The following SMG9 variants were observed in gnomAD, a reference collection of about 807,000 sequenced individuals.
The protein encoded by SMG9 is nonsense-mediated mRNA decay factor SMG9.
In SMG9, 55 loss-of-function variants were observed where a neutral mutation model predicts 64.0. The ratio of observed to expected loss-of-function variants is 0.86; its 90% confidence interval spans 0.69 to 1.08. The LOEUF (loss-of-function observed/expected upper bound fraction) is 1.08, where lower values mean the gene tolerates loss of function less well. SMG9 is among the 50% of genes least tolerant of loss of function. The probability of loss-of-function intolerance (pLI) is 0.00; values close to 1 mark genes in which losing one functional copy is unlikely to be tolerated. For missense variants in SMG9, 554 were observed against 681.3 expected, an observed-to-expected ratio of 0.81 and a Z score of 2.08; for synonymous variants, 244 against 254.8, an observed-to-expected ratio of 0.96 and a Z score of 0.41.
rs894637658 is a variant in SMG9 at position 43,735,389 on chromosome 19, G to T, written c.996-894C>A. On this transcript the variant is annotated intron_variant, in intron 9 of 13. Coordinates refer to ENST00000270066, the MANE Select transcript of SMG9 (RefSeq NM_019108.4). ...TCTCAGCACTTTGGGGAGCTGAGGCGGGCAGATCACCTGAAGTCAGGAGTT... is the reference window on the plus strand; with the variant it reads ...TCTCAGCACTTTGGGGAGCTGAGGCTGGCAGATCACCTGAAGTCAGGAGTT... Among the ~76,000 whole-genome samples, 7 of 152,126 alleles carry T rather than the reference G, an allele frequency of 4.6e-5. No individual in the cohort carries two copies. In the South Asian group the frequency reaches 1.4e-3, roughly 32 times the overall value.
intron 13 of SMG9, 120 bp from the exon 14 acceptor site, chr19:43,731,794 T>C (rs747852783): frequency 1.6e-4 from 197 of 1,218,956 alleles, no homozygotes; most frequent in Non-Finnish European, 2.1e-4. Context: ...TCTGAGCCTC[T>C]TGGAACCCAA....
chr19:43,750,816 T>G, intron 1 of SMG9, 69 bp from the exon 2 acceptor site: 1 of 1,421,002 alleles, frequency 7.0e-7, no homozygotes, highest in Non-Finnish European at 9.5e-7. Flanking sequence ...TATCCTAGAC[T>G]ATACGAAGTC....
intron 6 of SMG9, among the ~76,000 whole-genome samples, chr19:43,741,323 T>G (rs894278427): frequency 6.6e-6 from 1 of 152,058 alleles, no homozygotes; most frequent in South Asian, 2.1e-4. Flanking sequence ...CAGAGGAAGG[T>G]TGCATCGGCA....
chr19:43,732,407 G>C (rs1968512857), intron 13 of SMG9: 1 of 172,960 alleles, frequency 5.8e-6, no homozygotes, highest in Admixed American at 5.5e-5. Context: ...CAAGACAAAT[G>C]CAGAAGTGTG....
chr19:43,747,060 C>T (rs1411118541), intron 5 of SMG9, among the ~76,000 whole-genome samples: 2 of 152,118 alleles, frequency 1.3e-5, no homozygotes, highest in Admixed American at 6.5e-5. Context: ...TTAGGTGATT[C>T]TCCTACCTTG....
intron 6 of SMG9, 105 bp from the exon 7 acceptor site, chr19:43,740,323 C>A (rs1968809624): frequency 4.8e-6 from 4 of 836,048 alleles, no homozygotes; most frequent in Non-Finnish European, 8.3e-6. Flanking sequence ...TGGTGCCCTG[C>A]CTGCTCCCTA....
chr19:43,747,615 T>C lies in SMG9; in HGVS notation c.490+18A>G, dbSNP rs1462156352. ...GAGACGCCAGTTCCCAACCTGGTAC[T>C]GCCCAGCCCCAACTCACGGTCCATG... On this transcript the variant is annotated intron_variant, in intron 4 of 13. Transcript: ENST00000270066. 1 of 1,614,042 alleles carries C rather than the reference T, an allele frequency of 6.2e-7. No individual in the cohort carries two copies. The highest frequency in any genetic ancestry group is 1.3e-5 in the African/African-American group (1 of 75,064).
chr19:43,748,763 A>T (rs1202271844), intron 2 of SMG9: 1 of 520,062 alleles, frequency 1.9e-6, no homozygotes, highest in Non-Finnish European at 3.8e-6. Flanking sequence ...GAGAGTCTTG[A>T]CCCCTAACTG....
intron 1 of SMG9, among the ~76,000 whole-genome samples, chr19:43,752,471 G>A (rs538144107): frequency 8.5e-5 from 13 of 152,378 alleles, no homozygotes; most frequent in Admixed American, 3.3e-4. Context: ...TAAATAGAAA[G>A]TTTTATCGGA....
intron 10 of SMG9, 21 bp downstream of exon 10, chr19:43,734,368 A>T (rs1046904540): frequency 6.5e-7 from 1 of 1,538,384 alleles, no homozygotes; most frequent in African/African-American, 1.4e-5. Flanking sequence ...CCACCCCTCC[A>T]GTCCCCAGAA....
At chr19:43,736,303 A>T (rs1354160358) in intron 9 of SMG9, among the ~76,000 whole-genome samples, 1 of 152,226 alleles carries the variant, frequency 6.6e-6, no homozygotes, top group Non-Finnish European at 1.5e-5. Flanking sequence ...GCTAGGATTC[A>T]AAGGCACTAC....
chr19:43,735,489 A>T (rs2146365033), intron 9 of SMG9, among the ~76,000 whole-genome samples: 1 of 152,042 alleles, frequency 6.6e-6, no homozygotes, highest in East Asian at 1.9e-4. Flanking sequence ...ATGGTGGCAC[A>T]CACCTGTAGT....
chr19:43,733,357 T>C lies in SMG9; in HGVS notation c.1306A>G (p.Ser436Gly). The stretch of plus-strand genomic sequence containing the variant: ...GGTGGGTTTTCACTCTCTGCTTCAC[T>C]GTCCATGAAGGGTACCAGGAATAAG... ...VNLFLVPFMD[S>G]EAESENPPRA... Residue 436 changes from serine to glycine, a missense_variant, in exon 12 of 14, where the codon AGT becomes GGT. Physicochemically the swap from Ser to Gly is moderately conservative, Grantham distance 56. Coordinates refer to ENST00000270066, the MANE Select transcript of SMG9 (RefSeq NM_019108.4). 6.2e-7 allele frequency: 1 copy of C among 1,614,138 alleles called. No homozygotes were observed. The highest frequency in any genetic ancestry group is 1.1e-5 in the South Asian group (1 of 91,066).
chr19:43,750,094 C>CT (rs1212887956), intron 2 of SMG9: 2 of 516,756 alleles, frequency 3.9e-6, no homozygotes, highest in Non-Finnish European at 7.8e-6. Flanking sequence ...AAAACATGAG[C>CT]TATGGCACCT....
rs780771882 is a variant in SMG9 at position 43,732,943 on chromosome 19, G to A, written c.1399C>T (p.Gln467Ter). ...LPGYRGHPSF[Q>*]SLVSKLRSQV... ...CTCCGGAGCTTGCTCACCAAGGACT[G>A]GAAACTGGGGTGGCCACGATACCCA... is the stretch of plus-strand genomic sequence containing the variant. The change falls in exon 13 of 14, where the codon CAG becomes TAG. Residue 467 changes from glutamine (Q) to a stop codon, truncating the protein, a stop_gained. Coordinates refer to ENST00000270066, the MANE Select transcript of SMG9 (RefSeq NM_019108.4). LOFTEE classifies it high-confidence loss of function. 2.5e-6 allele frequency: 4 copies of A among 1,613,814 alleles called. No individual in the cohort carries two copies. Among genetic ancestry groups the A allele is most frequent in the Non-Finnish European group, 3.4e-6 (4 of 1,179,982 alleles).
intron 9 of SMG9, among the ~76,000 whole-genome samples, chr19:43,736,427 C>T (rs934110190): frequency 2.0e-5 from 3 of 151,702 alleles, no homozygotes; most frequent in Non-Finnish European, 2.9e-5. Context: ...CACCTCCCAG[C>T]GGTCTCCTGG....
At position 43,733,699 on chromosome 19, in the gene SMG9, G is replaced by A. The variant is rs1048872633; in HGVS notation, c.1137C>T (p.Phe379=). The change falls in exon 11 of 14, where the codon TTC becomes TTT. Residue 379 remains phenylalanine, a synonymous_variant. Coordinates refer to ENST00000270066, the MANE Select transcript of SMG9 (RefSeq NM_019108.4). ...GCATCTGCCGCAGCTTCCGAGGACA[G>A]AAGTCCTCTCGGCGAGCTTTGTTCT... The part of the protein sequence containing the change: ...FLQNKARRED[F]CPRKLRQMHL... 1.4e-5 allele frequency: 22 copies of A among 1,614,060 alleles called. 1 individual carries two copies. The highest frequency in any genetic ancestry group is 1.9e-5 in the Non-Finnish European group (22 of 1,180,044).
In SMG9 at chr19:43,734,572, T is replaced by A. The variant is rs1346975151; in HGVS notation, c.996-77A>T. On this transcript the variant is annotated intron_variant, in intron 9 of 13. Coordinates refer to ENST00000270066, the MANE Select transcript of SMG9 (RefSeq NM_019108.4). ...CACAGCCTGGGACAGGGGCTTCCTT[T>A]GAGATTCTGATGAAAGCTACAGCCA... 4.4e-6 allele frequency: 4 copies of A among 916,616 alleles called. No homozygotes were observed. In the African/African-American group the frequency reaches 6.7e-5, roughly 15 times the overall value. 56.8% of individuals were successfully genotyped at this position (916,616 alleles called of 1,614,324 possible). A position where few individuals can be genotyped will look rare whatever the true frequency, so the allele number is the denominator to read the frequency against.
chr19:43,747,439 T>C lies in SMG9; in HGVS notation c.588+3A>G. On this transcript the variant is annotated splice_donor_region_variant and intron_variant, in intron 5 of 13. Transcript: ENST00000270066. ...GCTCAGGCAGGGCAGGACCCCTCGG[T>C]ACCTCGATGGCACTGTCACACCAAT... 6.2e-7 allele frequency: 1 copy of C among 1,612,828 alleles called. No individual in the cohort carries two copies. The highest frequency in any genetic ancestry group is 8.5e-7 in the Non-Finnish European group (1 of 1,179,956).
Sources: allele counts gnomAD v4.1 joint callset (sites outside exome capture counted in the v4.1 genomes callset), GRCh38; gene constraint gnomAD v4.1.1; transcripts MANE v1.5; gene names NCBI Gene and HGNC (gene_info 2026-07-23, HGNC 2026-07-21).